Variants in PTK2 observed in about 807,000 individuals in gnomAD.
PTK2 encodes the protein protein tyrosine kinase 2, also known as focal adhesion kinase 1.
PTK2 carries 45 observed loss-of-function variants against 150.1 expected under a neutral mutation model. The observed-to-expected ratio is 0.30, with a 90% CI of 0.24 to 0.38. The LOEUF (loss-of-function observed/expected upper bound fraction) is 0.38, where lower values mean the gene tolerates loss of function less well. PTK2 is among the 10% of genes least tolerant of loss of function. The pLI is 1.00. For missense variants in PTK2, 919 were observed against 1,307.3 expected, an observed-to-expected ratio of 0.70 and a Z score of 4.58; for synonymous variants, 432 against 449.2, an observed-to-expected ratio of 0.96 and a Z score of 0.48.
intron 14 of PTK2, among the ~76,000 whole-genome samples, chr8:140,781,984 T>C (rs573972945): frequency 6.6e-6 from 1 of 152,066 alleles, no homozygotes; most frequent in African/African-American, 2.4e-5. Context: ...TTCACTTCCT[T>C]ATTCATGCAC....
intron 18 of PTK2, chr8:140,746,512 C>G: frequency 2.9e-6 from 1 of 345,110 alleles, no homozygotes; most frequent in Non-Finnish European, 5.2e-6. Context: ...TGGCCATCTG[C>G]GGCTACCAAT....
At chr8:140,832,530 G>A (rs2100116086) in intron 7 of PTK2, among the ~76,000 whole-genome samples, 2 of 152,228 alleles carry the variant, frequency 1.3e-5, no homozygotes, top group South Asian at 4.1e-4. Context: ...GGCAGTTTCT[G>A]TTCTGCCTTA....
intron 1 of PTK2, among the ~76,000 whole-genome samples, chr8:140,927,948 A>G (rs2100170119): frequency 3.7e-5 from 4 of 108,294 alleles, no homozygotes; most frequent in African/African-American, 7.0e-5. Context: ...AAGAAAAAAA[A>G]AAAAAAAAAG....
chr8:140,769,546 A>C lies in PTK2; in HGVS notation c.1178-5256T>G, dbSNP rs976024815. ...TTTTCATAAATAATTATCTCATAGCAGTAACACAAATGTGAAAATAAATAT... is the reference window on the plus strand; with the variant it reads ...TTTTCATAAATAATTATCTCATAGCCGTAACACAAATGTGAAAATAAATAT... On this transcript the variant is annotated intron_variant, in intron 14 of 31. Coordinates refer to ENST00000522684, the Ensembl canonical transcript of PTK2. 4 of 1,316,780 alleles carry C rather than the reference A, an allele frequency of 3.0e-6. No homozygotes were observed. In the Admixed American group the frequency reaches 7.7e-5, roughly 25 times the overall value. 81.6% of individuals were successfully genotyped at this position (1,316,780 alleles called of 1,614,324 possible).
intron 2 of PTK2, among the ~76,000 whole-genome samples, chr8:140,900,403 G>A (rs188668030): frequency 6.6e-6 from 1 of 152,164 alleles, no homozygotes; most frequent in East Asian, 1.9e-4. Flanking sequence ...TCAACATAAG[G>A]AAAACTATAA....
chr8:140,905,459 T>A (rs755160436), intron 2 of PTK2, among the ~76,000 whole-genome samples: 4 of 152,086 alleles, frequency 2.6e-5, no homozygotes, highest in Non-Finnish European at 4.4e-5. Flanking sequence ...AAGAGATCAA[T>A]GCAACAAGAA....
Position 140,768,658 on chromosome 8 carries a change from C to T in PTK2, c.1178-4368G>A, listed in dbSNP as rs549931318. On this transcript the variant is annotated intron_variant, in intron 14 of 31. Transcript: ENST00000522684. ...AGTGAGGACAATACCCAGTGATATT[C>T]TGAATGACTGCTGTGAGAATTAGGA... 1.5e-4 allele frequency among the ~76,000 whole-genome samples: 23 copies of T among 152,288 alleles called. No homozygotes were observed. The South Asian group carries it at 4.8e-3, about 32-fold the overall frequency.
At chr8:140,820,975 T>C (rs1426463728) in intron 8 of PTK2, 3 of 152,142 alleles carry the variant, frequency 2.0e-5, no homozygotes, top group East Asian at 1.9e-4. Flanking sequence ...ATGGAGGTAA[T>C]AGCCTGTCTG....
intron 5 of PTK2, among the ~76,000 whole-genome samples, chr8:140,852,487 A>G (rs1018577629): frequency 1.3e-5 from 2 of 152,250 alleles, no homozygotes; most frequent in African/African-American, 4.8e-5. Context: ...TTAGGTTTGC[A>G]GTCTAGTTAA....
chr8:140,686,253 G>C (rs371033715), intron 27 of PTK2, among the ~76,000 whole-genome samples: 1 of 152,098 alleles, frequency 6.6e-6, no homozygotes, highest in Non-Finnish European at 1.5e-5. Flanking sequence ...TGGAGGGTGG[G>C]AGGAGGGTGA....
chr8:140,665,793 T>C (rs1192019842), intron 30 of PTK2, among the ~76,000 whole-genome samples: 3 of 152,212 alleles, frequency 2.0e-5, no homozygotes, highest in African/African-American at 7.2e-5. Flanking sequence ...AAAATCACCA[T>C]ATAAAATCTT....
At chr8:140,785,689 A>AAAT (rs1380994682) in intron 14 of PTK2, among the ~76,000 whole-genome samples, 35 of 152,188 alleles carry the variant, frequency 2.3e-4, no homozygotes, top group Non-Finnish European at 3.4e-4. Context: ...CAAATTGCTC[A>AAAT]TGACAGGCAA....
chr8:140,668,825 C>A (rs2093922211), intron 29 of PTK2: 1 of 165,542 alleles, frequency 6.0e-6, no homozygotes, highest in Admixed American at 5.6e-5. Flanking sequence ...TACATGAAGA[C>A]TATAAGGATT....
At chr8:140,922,774 G>C (rs1004282515) in intron 2 of PTK2, among the ~76,000 whole-genome samples, 5 of 152,126 alleles carry the variant, frequency 3.3e-5, no homozygotes, top group African/African-American at 1.2e-4. Context: ...ACTAAAGACA[G>C]GGTCATAGAC....
In PTK2 at chr8:140,800,529, A is replaced by G. The variant is rs756203247; in HGVS notation, c.1023T>C (p.Ala341=). Residue 341 remains alanine (A), a synonymous_variant, in exon 12 of 32, where the codon GCT becomes GCC. Transcript: ENST00000522684. ...GCCGGCAGTACCCATCTATTAGGTC[A>G]GCCATATTCTCCGCAATGGTTAGGG... 62 of 1,613,834 alleles carry G rather than the reference A, an allele frequency of 3.8e-5. 1 individual carries two copies. The South Asian group carries it at 6.8e-4, about 18-fold the overall frequency.
At chr8:140,918,158 G>A (rs188713697) in intron 2 of PTK2, among the ~76,000 whole-genome samples, 1 of 152,264 alleles carries the variant, frequency 6.6e-6, no homozygotes, top group Admixed American at 6.5e-5. Flanking sequence ...ATGGTTCTAG[G>A]AAGGTGCAAC....
chr8:140,710,437 G>C (rs977112230), intron 23 of PTK2, among the ~76,000 whole-genome samples: 2 of 152,070 alleles, frequency 1.3e-5, no homozygotes, highest in Non-Finnish European at 2.9e-5. Context: ...GGGAGGCCGT[G>C]GTGGGCAGAT....
intron 8 of PTK2, among the ~76,000 whole-genome samples, chr8:140,825,410 G>C (rs756902584): frequency 2.6e-5 from 4 of 152,074 alleles, no homozygotes; most frequent in African/African-American, 9.7e-5. Flanking sequence ...TTTTCTCCAA[G>C]AATAAAATCA....
chr8:140,895,263 C>T lies in PTK2; in HGVS notation c.-32-4494G>A, dbSNP rs116064604. Among the ~76,000 whole-genome samples the T allele has an allele frequency of 2.4e-3, 371 of 152,290 alleles. 2 individuals carry two copies. Among genetic ancestry groups the T allele is most frequent in the African/African-American group, 8.6e-3 (356 of 41,558 alleles). ...ATACATTTGGCAGGGCACAGTGAAT[C>T]ACGCCTGTAATCCCAGCACTTTTGG... On this transcript the variant is annotated intron_variant, in intron 2 of 31. Coordinates refer to ENST00000522684, the Ensembl canonical transcript of PTK2.
Sources: allele counts gnomAD v4.1 joint callset (sites outside exome capture counted in the v4.1 genomes callset), GRCh38; gene constraint gnomAD v4.1.1; transcripts MANE v1.5; gene names NCBI Gene and HGNC (gene_info 2026-07-23, HGNC 2026-07-21).